Variants in DPP6 observed in about 807,000 individuals in gnomAD.
DPP6 encodes the protein A-type potassium channel modulatory protein DPP6.
A neutral mutation model predicts 122.6 loss-of-function variants in DPP6; 69 were observed. The observed-to-expected ratio is 0.56, with a 90% confidence interval of 0.46 to 0.69. DPP6 has a LOEUF of 0.69. DPP6 is among the 30% of genes least tolerant of loss of function. DPP6 has a pLI of 0.00. For synonymous variants in DPP6, 418 were observed against 433.1 expected (o/e 0.97, Z 0.43); for missense variants, 928 against 1,116.9 (o/e 0.83, Z 2.41).
At chr7:154,382,073 C>CTTT (rs55970006) in intron 1 of DPP6, among the ~76,000 whole-genome samples, 5 of 130,844 alleles carry the variant, frequency 3.8e-5, no homozygotes, top group Non-Finnish European at 7.9e-5. Context: ...TTTTTTTTTC[C>CTTT]TTTTTTTTTT....
At chr7:154,650,164 A>G (rs1038988785) in intron 6 of DPP6, among the ~76,000 whole-genome samples, 3 of 152,136 alleles carry the variant, frequency 2.0e-5, no homozygotes, top group African/African-American at 7.2e-5. Context: ...CTACAAAAAT[A>G]CAATTAAAAA....
chr7:154,287,861 C>G (rs569604446), intron 1 of DPP6, among the ~76,000 whole-genome samples: 149 of 152,282 alleles, frequency 9.8e-4, no homozygotes, highest in African/African-American at 3.4e-3. Flanking sequence ...TTTTTGTCCC[C>G]AAAAGCGGGA....
Position 154,872,679 on chromosome 7 carries a change from T to C in DPP6, c.1869T>C (p.Pro623=), listed in dbSNP as rs1262089169. ...CCTTCACCGACACCACCCACTACCC[T>C]CTGCTCCTGGTGGTGTAAGTATCGT... ...PATFTDTTHY[P]LLLVVDGTPG... is the part of the protein sequence containing the mutation. Residue 623 remains proline, a synonymous_variant, in exon 19 of 26, where the codon CCT becomes CCC. Coordinates refer to ENST00000377770, the MANE Select transcript of DPP6 (RefSeq NM_130797.4). 6.3e-7 allele frequency: 1 copy of C among 1,598,470 alleles called. No individual in the cohort carries two copies. Among genetic ancestry groups the C allele is most frequent in the South Asian group, 1.1e-5 (1 of 87,632 alleles).
At chr7:153,811,937 A>T in the DPP6 span, among the ~76,000 whole-genome samples, 3 of 152,014 alleles carry the variant, frequency 2.0e-5, no homozygotes, top group African/African-American at 7.2e-5. Flanking sequence ...GAAATGATGA[A>T]CTCAAGTGGC....
chr7:154,333,779 C>T (rs1809159964), intron 1 of DPP6, among the ~76,000 whole-genome samples: 1 of 152,160 alleles, frequency 6.6e-6, no homozygotes, highest in East Asian at 1.9e-4. Context: ...GGCAGTTTAA[C>T]CAATATCTGA....
At chr7:153,908,709 A>C (rs1212988694) in intron 1 of DPP6, among the ~76,000 whole-genome samples, 2 of 152,162 alleles carry the variant, frequency 1.3e-5, no homozygotes, top group Non-Finnish European at 2.9e-5. Flanking sequence ...AACTCATTTA[A>C]TTTTTTGTGA....
intron 1 of DPP6, among the ~76,000 whole-genome samples, chr7:154,292,906 C>T (rs1805302931): frequency 6.6e-6 from 1 of 152,174 alleles, no homozygotes; most frequent in Non-Finnish European, 1.5e-5. Context: ...TCTCTTTTAA[C>T]ACTGATTTAC....
chr7:154,432,220 T>A (rs1818485213), intron 1 of DPP6, among the ~76,000 whole-genome samples: 1 of 152,252 alleles, frequency 6.6e-6, no homozygotes, highest in African/African-American at 2.4e-5. Context: ...TTCCATGTAC[T>A]AAGTTGCCTG....
chr7:154,000,893 A>G lies in DPP6; in HGVS notation c.51+113159A>G, dbSNP rs541353827. Among the ~76,000 whole-genome samples, 138 of 152,292 alleles carry G rather than the reference A, an allele frequency of 9.1e-4. 7 individuals carry two copies. Among genetic ancestry groups the G allele is most frequent in the Non-Finnish European group, 7.4e-5 (5 of 68,026 alleles). On this transcript the variant is annotated intron_variant, in intron 1 of 25. Transcript: ENST00000404039. ...ACTCCAGGCTTTAAGTCACATTGCTACACTGTACTCAGGGTATCTGCCGCC... is the reference window on the plus strand; with the variant it reads ...ACTCCAGGCTTTAAGTCACATTGCTGCACTGTACTCAGGGTATCTGCCGCC...
chr7:154,596,541 T>C (rs148133799), intron 5 of DPP6, among the ~76,000 whole-genome samples: 10 of 152,110 alleles, frequency 6.6e-5, no homozygotes, highest in Admixed American at 4.6e-4. Context: ...AAGAGAAAGA[T>C]GGGATTTTGT....
intron 1 of DPP6, among the ~76,000 whole-genome samples, chr7:154,418,066 G>A (rs1817175595): frequency 6.6e-6 from 1 of 152,204 alleles, no homozygotes; most frequent in Non-Finnish European, 1.5e-5. Context: ...GATAGGACCT[G>A]CATTTGCAGG....
chr7:154,357,946 C>CAA (rs563436108), intron 1 of DPP6, among the ~76,000 whole-genome samples: 11,996 of 123,840 alleles, frequency 0.097, 691 homozygotes, highest in African/African-American at 0.16. Context: ...AACTTCGTCT[C>CAA]AAAAAAAAAA....
chr7:154,194,208 A>G (rs1193102467), intron 1 of DPP6, among the ~76,000 whole-genome samples: 3 of 152,102 alleles, frequency 2.0e-5, no homozygotes, highest in Non-Finnish European at 4.4e-5. Context: ...CACACTTCCT[A>G]TGGTAAGGGC....
At chr7:154,296,645 A>G (rs572579394) in intron 1 of DPP6, among the ~76,000 whole-genome samples, 3 of 152,344 alleles carry the variant, frequency 2.0e-5, no homozygotes, top group South Asian at 2.1e-4. Context: ...TAGGAAGAGA[A>G]AAGATGAAAA....
chr7:154,362,966 A>G (rs1811860106), intron 1 of DPP6, among the ~76,000 whole-genome samples: 1 of 152,240 alleles, frequency 6.6e-6, no homozygotes, highest in African/African-American at 2.4e-5. Flanking sequence ...GTTCCCGTGC[A>G]CATGAAGGTT....
chr7:154,283,525 C>G (rs1236786277), intron 1 of DPP6, among the ~76,000 whole-genome samples: 1 of 152,090 alleles, frequency 6.6e-6, no homozygotes, highest in Non-Finnish European at 1.5e-5. Flanking sequence ...ATATCCGAGG[C>G]TCATGGGGTA....
chr7:154,160,983 C>A (rs941561355), intron 1 of DPP6, among the ~76,000 whole-genome samples: 4 of 152,130 alleles, frequency 2.6e-5, no homozygotes, highest in Non-Finnish European at 4.4e-5. Flanking sequence ...TTAAAAATAC[C>A]AGTTCCTTTA....
the DPP6 span, among the ~76,000 whole-genome samples, chr7:153,750,811 T>TC: frequency 6.6e-6 from 1 of 152,218 alleles, no homozygotes; most frequent in Non-Finnish European, 1.5e-5. Flanking sequence ...TATCCTTCCT[T>TC]CTTTAAAATC....
chr7:154,460,444 A>C (rs1821200833), intron 2 of DPP6, among the ~76,000 whole-genome samples: 1 of 152,206 alleles, frequency 6.6e-6, no homozygotes, highest in South Asian at 2.1e-4. Context: ...GATGTGTTTC[A>C]TAACCACGTG....
Sources: allele counts gnomAD v4.1 joint callset (sites outside exome capture counted in the v4.1 genomes callset), GRCh38; gene constraint gnomAD v4.1.1; transcripts MANE v1.5; gene names NCBI Gene and HGNC (gene_info 2026-07-23, HGNC 2026-07-21).